DLGAP2: variants seen among roughly 807,000 people sequenced by gnomAD.
DLGAP2 encodes disks large-associated protein 2.
DLGAP2 carries 26 observed loss-of-function variants against 100.3 expected under a neutral mutation model. The observed-to-expected ratio is 0.26, with a 90% confidence interval of 0.19 to 0.36. The LOEUF is 0.36. Among genes scored for constraint, DLGAP2 ranks in the 10% least tolerant of loss-of-function variants. The probability of loss-of-function intolerance (pLI) is 1.00; values close to 1 mark genes in which losing one functional copy is unlikely to be tolerated. For synonymous variants in DLGAP2, 886 were observed against 630.1 expected (o/e 1.41, Z -6.08); for missense variants, 1,858 against 1,453.2 (o/e 1.28, Z -4.53).
intron 1 of DLGAP2, among the ~76,000 whole-genome samples, chr8:881,215 T>G (rs1209762176): frequency 6.6e-6 from 1 of 152,186 alleles, no homozygotes; most frequent in African/African-American, 2.4e-5. Context: ...TTCAGAAAAT[T>G]AATAGGCGAT....
chr8:751,877 C>T (rs962154037), intron 1 of DLGAP2, among the ~76,000 whole-genome samples: 1 of 151,704 alleles, frequency 6.6e-6, no homozygotes, highest in South Asian at 2.1e-4. Flanking sequence ...ATAGTAAGTC[C>T]TTATAGGAAG....
At chr8:1,646,801 G>T (rs1798049668) in intron 8 of DLGAP2, among the ~76,000 whole-genome samples, 2 of 151,088 alleles carry the variant, frequency 1.3e-5, no homozygotes, top group African/African-American at 4.8e-5. Context: ...GAGTGAAGGG[G>T]GCCAGAGGGC....
chr8:1,217,336 A>T (rs1263817848), intron 2 of DLGAP2, among the ~76,000 whole-genome samples: 3 of 151,820 alleles, frequency 2.0e-5, no homozygotes, highest in African/African-American at 7.3e-5. Flanking sequence ...TATGCACCAC[A>T]TTTTCTGTAC....
intron 6 of DLGAP2, among the ~76,000 whole-genome samples, chr8:1,624,301 A>G (rs1338718329): frequency 6.6e-6 from 1 of 152,138 alleles, no homozygotes; most frequent in Non-Finnish European, 1.5e-5. Context: ...GGAGAGCAGA[A>G]GTGCGGGAAG....
chr8:1,292,907 C>A (rs575583651), intron 3 of DLGAP2, among the ~76,000 whole-genome samples: 15 of 152,282 alleles, frequency 9.9e-5, no homozygotes, highest in South Asian at 2.1e-4. Flanking sequence ...TCAGGGTCCC[C>A]TCTGAGTGCT....
intron 3 of DLGAP2, among the ~76,000 whole-genome samples, chr8:1,336,653 G>A (rs768752932): frequency 2.6e-5 from 4 of 152,154 alleles, no homozygotes; most frequent in African/African-American, 9.7e-5. Flanking sequence ...TCTGGAACAG[G>A]CTGGGGCCCC....
chr8:1,685,801 C>T (rs1239817670), intron 12 of DLGAP2, among the ~76,000 whole-genome samples: 4 of 151,776 alleles, frequency 2.6e-5, no homozygotes, highest in South Asian at 4.2e-4. Context: ...AGACATACAA[C>T]GGGCCAACAG....
intron 2 of DLGAP2, among the ~76,000 whole-genome samples, chr8:1,092,791 C>T (rs1029696580): frequency 6.6e-6 from 1 of 152,144 alleles, no homozygotes; most frequent in African/African-American, 2.4e-5. Context: ...GGGGGACCCT[C>T]CCATGGAGGG....
At chr8:921,118 C>G (rs983008697) in intron 2 of DLGAP2, among the ~76,000 whole-genome samples, 1 of 152,044 alleles carries the variant, frequency 6.6e-6, no homozygotes, top group African/African-American at 2.4e-5. Flanking sequence ...AACTCACCAT[C>G]TCCATCTCCT....
chr8:1,572,113 G>C (rs558894973), intron 6 of DLGAP2, among the ~76,000 whole-genome samples: 5 of 136,318 alleles, frequency 3.7e-5, no homozygotes, highest in African/African-American at 1.4e-4. Context: ...ATGGAGAGGA[G>C]AGAGGGTGAA....
chr8:1,201,680 G>A (rs1029033962), intron 2 of DLGAP2, among the ~76,000 whole-genome samples: 1 of 152,220 alleles, frequency 6.6e-6, no homozygotes, highest in African/African-American at 2.4e-5. Context: ...TGCCTGTGAC[G>A]TGGTCCAGGC....
At chr8:1,448,033 A>G (rs1798030903) in intron 3 of DLGAP2, among the ~76,000 whole-genome samples, 1 of 152,050 alleles carries the variant, frequency 6.6e-6, no homozygotes, top group Non-Finnish European at 1.5e-5. Context: ...TTTTCAAAAA[A>G]CCAGCTCCTG....
intron 2 of DLGAP2, among the ~76,000 whole-genome samples, chr8:963,058 G>A (rs1197176643): frequency 6.6e-6 from 1 of 152,166 alleles, no homozygotes; most frequent in Non-Finnish European, 1.5e-5. Flanking sequence ...GGACTGTGTG[G>A]GCTTCGGTGC....
At chr8:1,438,097 G>T (rs1301550637) in intron 3 of DLGAP2, among the ~76,000 whole-genome samples, 1 of 152,226 alleles carries the variant, frequency 6.6e-6, no homozygotes, top group African/African-American at 2.4e-5. Flanking sequence ...AGAAACACCT[G>T]CTGGTCCCCA....
At chr8:1,500,490 G>C (rs993137512) in intron 3 of DLGAP2, among the ~76,000 whole-genome samples, 4 of 152,220 alleles carry the variant, frequency 2.6e-5, no homozygotes, top group Non-Finnish European at 1.5e-5. Context: ...AGATCCAGCT[G>C]TGTCTGCACT....
In DLGAP2 at chr8:1,324,237, A is replaced by G. The variant is rs1054894769; in HGVS notation, c.106+65354A>G. On this transcript the variant is annotated intron_variant, in intron 3 of 14. Transcript: ENST00000637795. ...AGGACAAACCACTGTCTCTGCCCCC[A>G]TAAGAACAGAATGGTGTTTGTAATT... Among the ~76,000 whole-genome samples, 14 of 152,342 alleles carry G rather than the reference A, an allele frequency of 9.2e-5. 1 individual carries two copies. Among genetic ancestry groups the G allele is most frequent in the African/African-American group, 4.8e-5 (2 of 41,586 alleles).
intron 2 of DLGAP2, among the ~76,000 whole-genome samples, chr8:1,028,687 C>T (rs957915625): frequency 2.0e-5 from 3 of 152,216 alleles, no homozygotes; most frequent in African/African-American, 7.2e-5. Flanking sequence ...GGTGTGGAGA[C>T]AAAGGAGGCT....
intron 2 of DLGAP2, among the ~76,000 whole-genome samples, chr8:923,665 G>C (rs1379972469): frequency 1.3e-5 from 2 of 152,198 alleles, no homozygotes; most frequent in Admixed American, 1.3e-4. Flanking sequence ...TCTGAGCTTG[G>C]TGCATAGGGG....
chr8:1,695,613 G>C (rs1799377727), intron 13 of DLGAP2, among the ~76,000 whole-genome samples: 1 of 151,676 alleles, frequency 6.6e-6, no homozygotes, highest in Admixed American at 6.6e-5. Flanking sequence ...TACAGAAAGA[G>C]GGGGCACAGC....
Sources: gnomAD v4.1 joint callset for allele counts (sites outside exome capture counted in the v4.1 genomes callset) on GRCh38, gnomAD v4.1.1 for gene constraint, MANE v1.5 for transcripts, NCBI Gene and HGNC (gene_info 2026-07-23, HGNC 2026-07-21) for gene names.